Variants in VWA8 observed in about 807,000 individuals in gnomAD.
The protein encoded by VWA8 is von Willebrand factor A domain containing 8.
A neutral mutation model predicts 241.5 loss-of-function variants in VWA8; 221 were observed. The ratio of observed to expected loss-of-function variants is 0.91; its 90% confidence interval spans 0.82 to 1.02. The LOEUF is 1.02. VWA8 is among the 50% of genes least tolerant of loss of function. VWA8 has a pLI of 0.00. For synonymous variants in VWA8, 852 were observed against 827.1 expected, an observed-to-expected ratio of 1.03 and a Z score of -0.52; for missense variants, 2,322 against 2,328.7, an observed-to-expected ratio of 1.00 and a Z score of 0.06.
intron 21 of VWA8, among the ~76,000 whole-genome samples, chr13:41,744,914 T>C (rs1041827589): frequency 6.6e-6 from 1 of 152,148 alleles, no homozygotes; most frequent in Non-Finnish European, 1.5e-5. Context: ...CTCGGCATAC[T>C]GCAAGCTCCA....
intron 37 of VWA8, among the ~76,000 whole-genome samples, chr13:41,631,418 C>T (rs563272236): frequency 1.5e-4 from 23 of 152,182 alleles, no homozygotes; most frequent in Admixed American, 3.3e-4. Context: ...TTGACCCCTA[C>T]CAAGGTCTCA....
intron 21 of VWA8, among the ~76,000 whole-genome samples, chr13:41,744,723 T>G (rs139560374): frequency 1.3e-5 from 2 of 152,322 alleles, no homozygotes; most frequent in East Asian, 3.9e-4. Flanking sequence ...ACTAGAAAGG[T>G]CCAAAGAGAG....
At chr13:41,895,750 A>C (rs1875068703) in intron 4 of VWA8, among the ~76,000 whole-genome samples, 1 of 151,964 alleles carries the variant, frequency 6.6e-6, no homozygotes, top group Non-Finnish European at 1.5e-5. Flanking sequence ...GAACTGTGAT[A>C]CGTCCTGTTT....
At chr13:41,707,152 T>TA (rs1350540078) in intron 26 of VWA8, among the ~76,000 whole-genome samples, 1 of 152,162 alleles carries the variant, frequency 6.6e-6, no homozygotes, top group African/African-American at 2.4e-5. Flanking sequence ...TTTCTTTTTT[T>TA]AAAAAACACA....
At chr13:41,672,223 T>C (rs1216419509) in intron 36 of VWA8, among the ~76,000 whole-genome samples, 1 of 152,242 alleles carries the variant, frequency 6.6e-6, no homozygotes, top group African/African-American at 2.4e-5. Context: ...GTTACGTGAC[T>C]CTATAACAAG....
Position 41,701,471 on chromosome 13 carries a change from T to C in VWA8, c.3285A>G (p.Leu1095=), listed in dbSNP as rs2045249254. 1 of 1,612,228 alleles carries C rather than the reference T, an allele frequency of 6.2e-7. No individual in the cohort carries two copies. Among genetic ancestry groups the C allele is most frequent in the African/African-American group, 1.3e-5 (1 of 74,846 alleles). Residue 1095 remains leucine (L), a synonymous_variant, in exon 28 of 45, where the codon CTA becomes CTG. Coordinates refer to ENST00000379310, the MANE Select transcript of VWA8 (RefSeq NM_015058.2). The stretch of plus-strand genomic sequence containing the variant: ...ATGAGGCACATTCTTCAGTAAAGTT[T>C]AGGGATCTTTCTTCATGTCTTTCTA... The part of the protein sequence containing the change: ...YPIERHEERS[L]NFTEECASWR...
At chr13:41,783,156 ATATAAT>A (rs1361429507) in intron 19 of VWA8, among the ~76,000 whole-genome samples, 1 of 149,106 alleles carries the variant, frequency 6.7e-6, no homozygotes, top group Non-Finnish European at 1.5e-5. Flanking sequence ...AAAATTACAT[ATATAAT>A]TATATGTGTG....
intron 2 of VWA8, among the ~76,000 whole-genome samples, chr13:41,938,305 G>C (rs1023588991): frequency 5.3e-5 from 8 of 152,114 alleles, no homozygotes; most frequent in Non-Finnish European, 1.0e-4. Context: ...TTCAGAACAC[G>C]TTCAAGGGCT....
intron 2 of VWA8, among the ~76,000 whole-genome samples, chr13:41,949,106 T>C (rs1878002342): frequency 6.7e-6 from 1 of 149,560 alleles, no homozygotes; most frequent in Non-Finnish European, 1.5e-5. Context: ...CAAGAGAACA[T>C]TTGGGATGAT....
chr13:41,660,953 C>T (rs12868342), intron 37 of VWA8, among the ~76,000 whole-genome samples: 3,324 of 151,778 alleles, frequency 0.022, 79 homozygotes, highest in African/African-American at 0.061. Flanking sequence ...GAAACCTCTG[C>T]ATCCCGGGTT....
chr13:41,705,906 C>T (rs925979331), intron 26 of VWA8, among the ~76,000 whole-genome samples: 3 of 152,150 alleles, frequency 2.0e-5, no homozygotes, highest in African/African-American at 7.2e-5. Context: ...CTGATAGATA[C>T]ACATGCTTTA....
chr13:41,841,475 C>G (rs1370992951), intron 12 of VWA8, among the ~76,000 whole-genome samples: 1 of 151,976 alleles, frequency 6.6e-6, no homozygotes, highest in African/African-American at 2.4e-5. Context: ...ATTCTTCATT[C>G]TCATTTCTGA....
intron 17 of VWA8, among the ~76,000 whole-genome samples, chr13:41,790,172 C>T (rs1869390596): frequency 6.6e-6 from 1 of 151,982 alleles, no homozygotes; most frequent in African/African-American, 2.4e-5. Context: ...ATTATAACAC[C>T]ATAAAACTGA....
chr13:41,803,780 T>C (rs1271118761), intron 17 of VWA8, among the ~76,000 whole-genome samples: 1 of 152,058 alleles, frequency 6.6e-6, no homozygotes, highest in Non-Finnish European at 1.5e-5. Flanking sequence ...CTCAATGAAA[T>C]TCAAGATAAC....
chr13:41,805,908 G>A (rs372714059), intron 17 of VWA8, among the ~76,000 whole-genome samples: 8 of 151,812 alleles, frequency 5.3e-5, no homozygotes, highest in South Asian at 4.2e-4. Context: ...GTGATCCAAC[G>A]GCTGCAGAAT....
intron 9 of VWA8, among the ~76,000 whole-genome samples, chr13:41,876,531 A>G (rs2138065011): frequency 6.6e-6 from 1 of 152,250 alleles, no homozygotes; most frequent in South Asian, 2.1e-4. Context: ...TTCAAATGTC[A>G]TCTTCTCAGT....
chr13:41,628,058 AC>A (rs2044704443), intron 37 of VWA8, among the ~76,000 whole-genome samples: 1 of 152,018 alleles, frequency 6.6e-6, no homozygotes, highest in African/African-American at 2.4e-5. Context: ...CATAGGGTGT[AC>A]CCCAAGTAGA....
At chr13:41,849,559 AC>A (rs1367629245) in intron 12 of VWA8, among the ~76,000 whole-genome samples, 1 of 152,042 alleles carries the variant, frequency 6.6e-6, no homozygotes, top group Admixed American at 6.5e-5. Flanking sequence ...TTTCCCTAAG[AC>A]TCCTAATCAA....
intron 12 of VWA8, among the ~76,000 whole-genome samples, chr13:41,858,273 C>A (rs931998388): frequency 6.6e-6 from 1 of 152,022 alleles, no homozygotes; most frequent in African/African-American, 2.4e-5. Context: ...TTAAAATATT[C>A]TACATAAAAG....
Sources: gnomAD v4.1 joint callset for allele counts (sites outside exome capture counted in the v4.1 genomes callset) on GRCh38, gnomAD v4.1.1 for gene constraint, MANE v1.5 for transcripts, NCBI Gene and HGNC (gene_info 2026-07-23, HGNC 2026-07-21) for gene names.